FANCC: variants seen among roughly 807,000 people sequenced by gnomAD.
FANCC encodes the protein Fanconi anemia group C protein.
Under a neutral mutation model 71.3 loss-of-function variants are expected in FANCC, and 55 were observed. The ratio of observed to expected loss-of-function variants is 0.77; its 90% CI spans 0.62 to 0.97. FANCC has a LOEUF of 0.97. Among genes scored for constraint, FANCC ranks in the 50% least tolerant of loss-of-function variants. FANCC has a pLI of 0.00. For missense variants in FANCC, 678 were observed against 670.9 expected (o/e 1.01, Z -0.12); for synonymous variants, 275 against 244.9 (o/e 1.12, Z -1.15).
rs534655551 is a variant in FANCC, at chr9:95,150,016, G to C, written c.593C>G (p.Pro198Arg). The change falls in exon 7 of 15, where the codon CCC (proline) becomes CGC (arginine). Residue 198 changes from proline (P) to arginine (R), a missense_variant. Physicochemically the swap from Pro to Arg is moderately radical, Grantham distance 103 (BLOSUM62 -2). Coordinates refer to ENST00000289081, the MANE Select transcript of FANCC (RefSeq NM_000136.3). Reference protein sequence around the residue: ...VPLITLTDVDPLVEALLICHG... With the variant: ...VPLITLTDVDRLVEALLICHG... ...ACAGATGAGGAGAGCCTCCACCAGG[G>C]GGTCAACATCTGTCAGGGTAATAAG... 2.5e-6 allele frequency: 4 copies of C among 1,613,990 alleles called. No homozygotes were observed. Among genetic ancestry groups the C allele is most frequent in the Non-Finnish European group, 3.4e-6 (4 of 1,180,016 alleles).
At chr9:95,226,568 C>T (rs557028671) in intron 4 of FANCC, among the ~76,000 whole-genome samples, 7 of 152,332 alleles carry the variant, frequency 4.6e-5, no homozygotes, top group South Asian at 4.1e-4. Flanking sequence ...TCCTCCCTTT[C>T]GCACATTCTA....
chr9:95,281,123 C>T (rs1833362562), intron 1 of FANCC, among the ~76,000 whole-genome samples: 1 of 152,010 alleles, frequency 6.6e-6, no homozygotes, highest in Non-Finnish European at 1.5e-5. Flanking sequence ...TAGTAGAAAG[C>T]TTATTAAAGA....
intron 8 of FANCC, among the ~76,000 whole-genome samples, chr9:95,129,788 A>C (rs772736083): frequency 3.9e-5 from 6 of 152,110 alleles, no homozygotes; most frequent in African/African-American, 1.4e-4. Flanking sequence ...CTCCCCCCTC[A>C]GGCTTTTCAC....
chr9:95,308,533 G>A (rs1055801245), intron 1 of FANCC, among the ~76,000 whole-genome samples: 7 of 151,896 alleles, frequency 4.6e-5, no homozygotes, highest in African/African-American at 7.2e-5. Context: ...TGATCCACCC[G>A]CCTTGGCCTC....
intron 1 of FANCC, among the ~76,000 whole-genome samples, chr9:95,252,274 C>CAAAAAAAAAAAAAAAAAAAAAAAA (rs71366284): frequency 1.6e-4 from 8 of 50,122 alleles, no homozygotes; most frequent in East Asian, 6.7e-4. Flanking sequence ...GAGACTGATT[C>CAAAAAAAAAAAAAAAAAAAAAAAA]AAAAAAAAAA....
intron 1 of FANCC, among the ~76,000 whole-genome samples, chr9:95,295,451 C>T (rs541076526): frequency 6.6e-6 from 1 of 152,264 alleles, no homozygotes; most frequent in South Asian, 2.1e-4. Context: ...ACCAACTTTT[C>T]TTCAAAGAAG....
At chr9:95,292,594 C>A in intron 1 of FANCC, 1 of 1,459,258 alleles carries the variant, frequency 6.9e-7, no homozygotes, top group Non-Finnish European at 9.6e-7. Flanking sequence ...ATCCTGTGCA[C>A]CGTGCGCGGC....
chr9:95,150,960 A>C (rs1309565712), intron 6 of FANCC, among the ~76,000 whole-genome samples: 2 of 152,228 alleles, frequency 1.3e-5, no homozygotes, highest in East Asian at 3.8e-4. Context: ...ATGAATTAAA[A>C]TGAAATAAAA....
chr9:95,153,284 TTGTTAAC>T (rs1830281671), intron 6 of FANCC, among the ~76,000 whole-genome samples: 1 of 152,240 alleles, frequency 6.6e-6, no homozygotes, highest in African/African-American at 2.4e-5. Context: ...ATCTTTGCAA[TTGTTAAC>T]TGTGATGCTA....
intron 4 of FANCC, among the ~76,000 whole-genome samples, chr9:95,235,048 AAC>A (rs1220730557): frequency 2.0e-5 from 3 of 152,338 alleles, no homozygotes; most frequent in African/African-American, 7.2e-5. Context: ...CCCTCACAGA[AAC>A]ACACAGAATA....
intron 4 of FANCC, among the ~76,000 whole-genome samples, chr9:95,177,889 C>T (rs1826110536): frequency 6.6e-6 from 1 of 152,202 alleles, no homozygotes; most frequent in African/African-American, 2.4e-5. Context: ...AGAATTCCCC[C>T]AAGACACTGA....
chr9:95,206,921 T>C (rs1243976005), intron 4 of FANCC, among the ~76,000 whole-genome samples: 1 of 152,070 alleles, frequency 6.6e-6, no homozygotes, highest in East Asian at 1.9e-4. Flanking sequence ...GTACAGTGTA[T>C]AAGGGTCAGT....
At position 95,111,530 on chromosome 9, in the gene FANCC, G is replaced by C. The variant is rs863224608; in HGVS notation, c.1262C>G (p.Ala421Gly). Reference protein sequence around the residue: ...LLMSAAEPPTALLWLLAFYYG... With the variant: ...LLMSAAEPPTGLLWLLAFYYG... Reference sequence around the variant, plus strand: ...GTAGAAGGCCAAGAGCCACAGCAGGGCCGTGGGGGGTTCGGCTGCCGACAT... The same window carrying C: ...GTAGAAGGCCAAGAGCCACAGCAGGCCCGTGGGGGGTTCGGCTGCCGACAT... Residue 421 changes from alanine to glycine, a missense_variant, in exon 13 of 15, where the codon GCC becomes GGC. Ala to Gly is a moderately conservative substitution (Grantham distance 60). Transcript: ENST00000289081. 9 of 1,614,018 alleles carry C rather than the reference G, an allele frequency of 5.6e-6. No homozygotes were observed. In the African/African-American group the frequency reaches 1.2e-4, roughly 22 times the overall value.
chr9:95,225,803 A>C (rs909249748), intron 4 of FANCC, among the ~76,000 whole-genome samples: 3 of 152,228 alleles, frequency 2.0e-5, no homozygotes, highest in African/African-American at 7.2e-5. Context: ...CTAGGAATAC[A>C]AATGGTATCT....
Position 95,099,382 on chromosome 9 carries a change from CTGCCCCTG to C in FANCC, c.*2317_*2324del, listed in dbSNP as rs2071006908. On this transcript the variant is annotated 3_prime_UTR_variant, in exon 15 of 15. Coordinates refer to ENST00000289081, the MANE Select transcript of FANCC (RefSeq NM_000136.3). ...CCTTGCCATCCCTGCCTCCCTGCGG[CTGCCCCTG>C]TGCCCAGGCCCCGCCAACGCCGTCA... 4.4e-6 allele frequency: 1 copy of C among 228,270 alleles called. No homozygotes were observed. Among genetic ancestry groups the C allele is most frequent in the Admixed American group, 5.7e-5 (1 of 17,496 alleles). The allele number at this position is 228,270 out of a possible 1,614,324, so 14.1% of individuals were successfully genotyped here.
intron 5 of FANCC, among the ~76,000 whole-genome samples, chr9:95,171,694 G>C (rs1358677956): frequency 2.0e-5 from 3 of 152,056 alleles, no homozygotes; most frequent in African/African-American, 7.2e-5. Flanking sequence ...TTCCAATCAG[G>C]TTATTTGAAA....
intron 1 of FANCC, among the ~76,000 whole-genome samples, chr9:95,290,861 TAAAA>T (rs966273961): frequency 1.3e-5 from 2 of 151,844 alleles, no homozygotes; most frequent in African/African-American, 2.4e-5. Flanking sequence ...CAACAACACA[TAAAA>T]AAAGATCACA....
chr9:95,146,332 C>A (rs1829540720), intron 7 of FANCC, among the ~76,000 whole-genome samples: 1 of 150,132 alleles, frequency 6.7e-6, no homozygotes, highest in African/African-American at 2.5e-5. Flanking sequence ...ACCGAAAATA[C>A]AAAAAATTAG....
At chr9:95,141,911 T>C (rs1214722382) in intron 7 of FANCC, among the ~76,000 whole-genome samples, 1 of 151,112 alleles carries the variant, frequency 6.6e-6, no homozygotes, top group African/African-American at 2.4e-5. Context: ...AAAAACCTAA[T>C]ACTACACATT....
Sources: allele counts gnomAD v4.1 joint callset (sites outside exome capture counted in the v4.1 genomes callset), GRCh38; gene constraint gnomAD v4.1.1; transcripts MANE v1.5; gene names NCBI Gene and HGNC (gene_info 2026-07-23, HGNC 2026-07-21).